The following PCED1B variants were observed in gnomAD, a reference collection of about 807,000 sequenced individuals.
PCED1B encodes the protein PC-esterase domain containing 1B.
For missense variants in PCED1B, 573 were observed against 573.9 expected (o/e 1.00, Z 0.02); for synonymous variants, 251 against 246.1 (o/e 1.02, Z -0.19).
chr12:47,123,371 T>G (rs1939757673), intron 2 of PCED1B, among the ~76,000 whole-genome samples: 2 of 152,144 alleles, frequency 1.3e-5, no homozygotes, highest in South Asian at 4.1e-4. Context: ...ACTCCAACTC[T>G]ACCCAAGCAT....
At chr12:47,118,436 A>G (rs1483134223) in intron 2 of PCED1B, among the ~76,000 whole-genome samples, 1 of 152,190 alleles carries the variant, frequency 6.6e-6, no homozygotes, top group Non-Finnish European at 1.5e-5. Context: ...AGCACCATTT[A>G]TTAAATAAGG....
At chr12:47,098,001 AG>A (rs1426848979) in intron 1 of PCED1B, among the ~76,000 whole-genome samples, 1 of 152,204 alleles carries the variant, frequency 6.6e-6, no homozygotes, top group Non-Finnish European at 1.5e-5. Flanking sequence ...ACCATTTCCA[AG>A]TAAGGCTAGC....
chr12:47,190,430 G>T (rs1016711290), intron 2 of PCED1B, among the ~76,000 whole-genome samples: 1 of 152,152 alleles, frequency 6.6e-6, no homozygotes, highest in Non-Finnish European at 1.5e-5. Context: ...CCTCTTCCAG[G>T]TCTTTCTTCC....
chr12:47,160,242 G>A (rs751695418), intron 2 of PCED1B, among the ~76,000 whole-genome samples: 3 of 132,218 alleles, frequency 2.3e-5, no homozygotes, highest in African/African-American at 5.7e-5. Context: ...TGTTTATTTT[G>A]TTGTTGTTGG....
chr12:47,094,939 T>G (rs854897), intron 1 of PCED1B, among the ~76,000 whole-genome samples: 1 of 148,214 alleles, frequency 6.7e-6, no homozygotes, highest in Non-Finnish European at 1.5e-5. Context: ...GTGTCTCACG[T>G]TTTGTCACAC....
At chr12:47,234,938 C>A in intron 3 of PCED1B, 69 bp from the exon 4 acceptor site, 2 of 829,342 alleles carry the variant, frequency 2.4e-6, no homozygotes, top group South Asian at 2.8e-5. Flanking sequence ...GGTCTCCCTA[C>A]CCCCAACCTG....
chr12:47,221,471 G>A (rs1409197670), intron 3 of PCED1B, among the ~76,000 whole-genome samples: 3 of 150,464 alleles, frequency 2.0e-5, no homozygotes, highest in Admixed American at 6.7e-5. Context: ...GAGCCACCAC[G>A]CCCCGCCAAC....
At chr12:47,125,440 A>G (rs1323125600) in intron 2 of PCED1B, among the ~76,000 whole-genome samples, 1 of 151,978 alleles carries the variant, frequency 6.6e-6, no homozygotes, top group Non-Finnish European at 1.5e-5. Context: ...TCTTAATATC[A>G]GGTGGTATTA....
Position 47,212,166 on chromosome 12 carries a change from G to A in PCED1B, c.-525-4056G>A, listed in dbSNP as rs115043535. Among the ~76,000 whole-genome samples the A allele has an allele frequency of 8.7e-3, 1,331 of 152,168 alleles. 22 individuals are homozygous for A. The highest frequency in any genetic ancestry group is 0.031 in the African/African-American group (1,271 of 41,510). ...CACTCCTGTGGTCCCAGCTACTGGG[G>A]GTAGGTGGGAGACTGAGGTGTGAGG... On this transcript the variant is annotated intron_variant, in intron 2 of 3. Coordinates refer to ENST00000546455, the MANE Select transcript of PCED1B (RefSeq NM_138371.3).
chr12:47,081,670 T>C (rs1592117902), intron 1 of PCED1B, among the ~76,000 whole-genome samples: 1 of 152,330 alleles, frequency 6.6e-6, no homozygotes, highest in African/African-American at 2.4e-5. Context: ...TTCAATTTTA[T>C]AGAGTTAGAA....
chr12:47,235,301 C>T lies in PCED1B; in HGVS notation c.238C>T (p.Arg80Cys), dbSNP rs751726248. 2 of 1,614,030 alleles carry T rather than the reference C, an allele frequency of 1.2e-6. No homozygotes were observed. The highest frequency in any genetic ancestry group is 1.7e-6 in the Non-Finnish European group (2 of 1,180,024). ...CAACGGCCTTAACTACCGTGAGGTC[C>T]GCGAGTTCCGCTCCGACCACCATCT... ...MHNGLNYREVREFRSDHHLVR... is the reference protein window; with the variant it reads ...MHNGLNYREVCEFRSDHHLVR... Residue 80 changes from arginine to cysteine, a missense_variant, in exon 4 of 4, where the codon CGC becomes TGC. By Grantham distance (180) the Arg-to-Cys change is radical. Transcript: ENST00000546455.
At chr12:47,210,755 A>G (rs1461631279) in intron 2 of PCED1B, 1 of 152,124 alleles carries the variant, frequency 6.6e-6, no homozygotes, top group Non-Finnish European at 1.5e-5. Context: ...ACTGAGCAAC[A>G]CTCTGTCTGA....
chr12:47,155,866 C>T lies in PCED1B; in HGVS notation c.-526+51671C>T, dbSNP rs903523910. 1.1e-3 allele frequency among the ~76,000 whole-genome samples: 175 copies of T among 152,330 alleles called. 1 individual carries two copies. Among genetic ancestry groups the T allele is most frequent in the Non-Finnish European group, 2.2e-4 (15 of 68,030 alleles). On this transcript the variant is annotated intron_variant, in intron 2 of 3. Coordinates refer to ENST00000546455, the MANE Select transcript of PCED1B (RefSeq NM_138371.3). ...TAGAAACAAGTTCCCACCCATCACA[C>T]AGTTGTCACCCAGCAATAATAGTGA...
At chr12:47,091,023 T>G (rs766597162) in intron 1 of PCED1B, among the ~76,000 whole-genome samples, 4 of 152,120 alleles carry the variant, frequency 2.6e-5, no homozygotes, top group Non-Finnish European at 5.9e-5. Flanking sequence ...ATTCTTTTGG[T>G]GAACATGTGC....
chr12:47,235,635 A>T lies in PCED1B; in HGVS notation c.572A>T (p.Asn191Ile), dbSNP rs1943955635. ...CGGCAGAAGGCCACCTTCCTGAAAA[A>T]CGAAGTGGTCAAAGCCAACTTCCAC... ...LRRQKATFLK[N>I]EVVKANFHSA... is the part of the protein sequence containing the mutation. Residue 191 changes from asparagine to isoleucine, a missense_variant, in exon 4 of 4, where the codon AAC becomes ATC. Coordinates refer to ENST00000546455, the MANE Select transcript of PCED1B (RefSeq NM_138371.3). 1.2e-6 allele frequency: 2 copies of T among 1,610,228 alleles called. No homozygotes were observed. The highest frequency in any genetic ancestry group is 1.7e-6 in the Non-Finnish European group (2 of 1,178,454).
intron 2 of PCED1B, among the ~76,000 whole-genome samples, chr12:47,113,020 A>G (rs1484330380): frequency 6.6e-6 from 1 of 152,148 alleles, no homozygotes; most frequent in Non-Finnish European, 1.5e-5. Context: ...ACAATCTATT[A>G]CCAAAAACTG....
intron 2 of PCED1B, among the ~76,000 whole-genome samples, chr12:47,172,434 A>C (rs1400915779): frequency 6.9e-6 from 1 of 145,944 alleles, no homozygotes; most frequent in Non-Finnish European, 1.5e-5. Flanking sequence ...GCACCATGGC[A>C]CATGGCACTC....
chr12:47,121,538 T>C (rs891586477), intron 2 of PCED1B, among the ~76,000 whole-genome samples: 1 of 152,326 alleles, frequency 6.6e-6, no homozygotes, highest in East Asian at 1.9e-4. Context: ...GAAATAAGAA[T>C]GCATGTTTTA....
At chr12:47,152,741 G>C (rs1592208564) in intron 2 of PCED1B, among the ~76,000 whole-genome samples, 1 of 151,958 alleles carries the variant, frequency 6.6e-6, no homozygotes, top group Non-Finnish European at 1.5e-5. Flanking sequence ...GACAAGCCTG[G>C]CCAACATGGC....
Sources: allele counts gnomAD v4.1 joint callset (sites outside exome capture counted in the v4.1 genomes callset), GRCh38; gene constraint gnomAD v4.1.1; transcripts MANE v1.5; gene names NCBI Gene and HGNC (gene_info 2026-07-23, HGNC 2026-07-21).